The following C3orf20 variants were observed in gnomAD, a reference collection of about 807,000 sequenced individuals.
C3orf20 encodes the protein uncharacterized protein C3orf20.
C3orf20 carries 76 observed loss-of-function variants against 88.3 expected under a neutral mutation model. The ratio of observed to expected loss-of-function variants is 0.86; its 90% CI spans 0.72 to 1.04. The LOEUF is 1.04. Among genes scored for constraint, C3orf20 ranks in the 50% least tolerant of loss-of-function variants. The pLI is 0.00. For missense variants in C3orf20, 1,056 were observed against 1,123.3 expected (o/e 0.94, Z 0.86); for synonymous variants, 436 against 437.4 (o/e 1.00, Z 0.04).
chr3:14,763,223 C>T (rs1381572645), intron 15 of C3orf20, among the ~76,000 whole-genome samples: 1 of 152,190 alleles, frequency 6.6e-6, no homozygotes, highest in Admixed American at 6.5e-5. Context: ...CAGAAGAAGG[C>T]TAGCCTGCTA....
intron 12 of C3orf20, among the ~76,000 whole-genome samples, chr3:14,740,505 A>G (rs1318844018): frequency 6.6e-6 from 1 of 152,248 alleles, no homozygotes; most frequent in African/African-American, 2.4e-5. Flanking sequence ...GAATTACCAA[A>G]TGTGACACAG....
At chr3:14,686,157 G>A (rs1575090411) in intron 4 of C3orf20, among the ~76,000 whole-genome samples, 1 of 150,996 alleles carries the variant, frequency 6.6e-6, no homozygotes, top group South Asian at 2.1e-4. Context: ...ACCACGCCCA[G>A]CCCAGGATTT....
rs116585148 is a variant in C3orf20, at chr3:14,699,101, A to G, written c.746-4029A>G. The stretch of plus-strand genomic sequence containing the variant: ...GCCAGCCTACTGCCACTGTTCACTT[A>G]AGGTCCAAGGACTCTTCAGTTAGGC... On this transcript the variant is annotated intron_variant, in intron 5 of 16. Coordinates refer to ENST00000253697, the MANE Select transcript of C3orf20 (RefSeq NM_032137.5). Among the ~76,000 whole-genome samples, 641 of 152,106 alleles carry G rather than the reference A, an allele frequency of 4.2e-3. 5 individuals carry two copies. Among genetic ancestry groups the G allele is most frequent in the African/African-American group, 0.015 (611 of 41,486 alleles).
At chr3:14,691,663 A>G (rs1050753764) in intron 5 of C3orf20, among the ~76,000 whole-genome samples, 1 of 152,124 alleles carries the variant, frequency 6.6e-6, no homozygotes, top group Admixed American at 6.6e-5. Flanking sequence ...ATATATGTTT[A>G]TGGGTTATGT....
At chr3:14,724,243 GA>G (rs1383641077) in intron 10 of C3orf20, among the ~76,000 whole-genome samples, 1 of 152,164 alleles carries the variant, frequency 6.6e-6, no homozygotes, top group Non-Finnish European at 1.5e-5. Context: ...AAAGGCAACG[GA>G]TATTAGAAAA....
intron 12 of C3orf20, among the ~76,000 whole-genome samples, chr3:14,753,671 ATGTGGTAACCC>A (rs1472520307): frequency 6.6e-6 from 1 of 152,092 alleles, no homozygotes; most frequent in African/African-American, 2.4e-5. Flanking sequence ...AAATATTAGA[ATGTGGTAACCC>A]TGGAAATCAA....
rs140308912 is a variant in C3orf20 at position 14,725,542 on chromosome 3, G to A, written c.1567-1359G>A. 2.2e-4 allele frequency among the ~76,000 whole-genome samples: 33 copies of A among 152,264 alleles called. No individual in the cohort carries two copies. The East Asian group carries it at 5.8e-3, about 27-fold the overall frequency. On this transcript the variant is annotated intron_variant, in intron 10 of 16. Coordinates refer to ENST00000253697, the MANE Select transcript of C3orf20 (RefSeq NM_032137.5). ...CAGTGTGCCACCTCAGGTCCTTTTT[G>A]GAAGCAGGCTGAGTATAAATTTCAA...
At chr3:14,729,573 G>T (rs2034469811) in intron 12 of C3orf20, among the ~76,000 whole-genome samples, 1 of 152,098 alleles carries the variant, frequency 6.6e-6, no homozygotes. Flanking sequence ...TTCAGACAGG[G>T]TCTCTCTCTG....
At chr3:14,695,686 A>G (rs1395856253) in intron 5 of C3orf20, among the ~76,000 whole-genome samples, 4 of 152,070 alleles carry the variant, frequency 2.6e-5, no homozygotes, top group Admixed American at 6.6e-5. Flanking sequence ...TGTTGGGTAT[A>G]TATATATTTA....
chr3:14,750,941 G>A (rs1233312571), intron 12 of C3orf20, among the ~76,000 whole-genome samples: 2 of 152,120 alleles, frequency 1.3e-5, no homozygotes, highest in Non-Finnish European at 2.9e-5. Context: ...TCTTGAGTAT[G>A]TTTGATGCTG....
Position 14,686,901 on chromosome 3 carries a change from A to G in C3orf20, c.625+2519A>G, listed in dbSNP as rs1009879257. 2.0e-5 allele frequency among the ~76,000 whole-genome samples: 3 copies of G among 152,364 alleles called. No homozygotes were observed. The East Asian group carries it at 5.8e-4, about 29-fold the overall frequency. ...GGCTCCCCTGATGGTCAGAGATTAA[A>G]CATCTGCTAATACACACATACAGTG... On this transcript the variant is annotated intron_variant, in intron 4 of 16. Coordinates refer to ENST00000253697, the MANE Select transcript of C3orf20 (RefSeq NM_032137.5).
At chr3:14,730,571 C>T (rs1390879758) in intron 12 of C3orf20, among the ~76,000 whole-genome samples, 1 of 150,048 alleles carries the variant, frequency 6.7e-6, no homozygotes, top group Non-Finnish European at 1.5e-5. Context: ...TAATAATAAT[C>T]GATTGTAAAT....
chr3:14,704,878 G>T (rs1454504851), intron 7 of C3orf20, among the ~76,000 whole-genome samples: 1 of 152,200 alleles, frequency 6.6e-6, no homozygotes, highest in East Asian at 1.9e-4. Flanking sequence ...TGTCAGTGCA[G>T]GCTGGGAATG....
At chr3:14,737,589 C>T (rs2034758881) in intron 12 of C3orf20, among the ~76,000 whole-genome samples, 1 of 152,258 alleles carries the variant, frequency 6.6e-6, no homozygotes, top group African/African-American at 2.4e-5. Flanking sequence ...AAGTCCTAAT[C>T]TTTTTGCTGG....
Position 14,690,033 on chromosome 3 carries a change from C to A in C3orf20, c.662C>A (p.Ser221Ter). Residue 221 changes from serine (S) to a stop codon, truncating the protein, a stop_gained, in exon 5 of 17, where the codon TCG becomes TAG. Transcript: ENST00000253697. LOFTEE classifies it high-confidence loss of function. ...AACATGTCCGCCATTGGGGTGAACT[C>A]GCCTTACCAGCTGATCTACCACTCT... Reference protein sequence around the residue: ...LANMSAIGVNSPYQLIYHSST... With the variant: ...LANMSAIGVN 1 of 1,614,206 alleles carries A rather than the reference C, an allele frequency of 6.2e-7. No homozygotes were observed. The highest frequency in any genetic ancestry group is 8.5e-7 in the Non-Finnish European group (1 of 1,180,022).
intron 12 of C3orf20, among the ~76,000 whole-genome samples, chr3:14,735,747 C>T (rs1258147213): frequency 6.6e-6 from 1 of 152,148 alleles, no homozygotes; most frequent in Admixed American, 6.5e-5. Flanking sequence ...GTGCCCACCA[C>T]CACGCCTGGC....
intron 4 of C3orf20, among the ~76,000 whole-genome samples, chr3:14,689,756 C>T (rs900238018): frequency 1.3e-4 from 19 of 151,774 alleles, no homozygotes; most frequent in African/African-American, 2.4e-5. Context: ...TTGTTCCGGT[C>T]CCCCTCTTGA....
At chr3:14,730,285 C>T (rs752700423) in intron 12 of C3orf20, among the ~76,000 whole-genome samples, 4 of 152,120 alleles carry the variant, frequency 2.6e-5, no homozygotes, top group Admixed American at 6.6e-5. Context: ...CGGTGGCCCA[C>T]GCCTGTAATC....
intron 7 of C3orf20, among the ~76,000 whole-genome samples, chr3:14,706,153 G>C (rs1406780915): frequency 6.6e-6 from 1 of 152,074 alleles, no homozygotes; most frequent in Non-Finnish European, 1.5e-5. Context: ...GCTTCCTTTG[G>C]CCTCCTCTTG....
Sources: gnomAD v4.1 joint callset for allele counts (sites outside exome capture counted in the v4.1 genomes callset) on GRCh38, gnomAD v4.1.1 for gene constraint, MANE v1.5 for transcripts, NCBI Gene and HGNC (gene_info 2026-07-23, HGNC 2026-07-21) for gene names.